Variants in CELF2 observed in about 807,000 individuals in gnomAD.
CELF2 encodes the protein CUG triplet repeat RNA-binding protein 2.
A neutral mutation model predicts 62.6 loss-of-function variants in CELF2; 8 were observed. The observed-to-expected ratio is 0.13, with a 90% CI of 0.07 to 0.23. CELF2 has a LOEUF of 0.23. Among genes scored for constraint, CELF2 ranks in the 10% least tolerant of loss-of-function variants. The pLI, the probability that CELF2 is intolerant of heterozygous loss-of-function variation, is 1.00. For synonymous variants in CELF2, 258 were observed against 250.0 expected, an observed-to-expected ratio of 1.03 and a Z score of -0.30; for missense variants, 333 against 671.0, an observed-to-expected ratio of 0.50 and a Z score of 5.56.
At chr10:10,996,896 A>G (rs928654822) in intron 2 of CELF2, among the ~76,000 whole-genome samples, 6 of 152,072 alleles carry the variant, frequency 3.9e-5, no homozygotes, top group African/African-American at 1.2e-4. Context: ...AGAGTAACTT[A>G]TCTTCCCCAA....
intron 1 of CELF2, among the ~76,000 whole-genome samples, chr10:11,163,883 C>T (rs1471101699): frequency 6.6e-6 from 1 of 152,136 alleles, no homozygotes; most frequent in Non-Finnish European, 1.5e-5. Flanking sequence ...GGGCTTAGGG[C>T]CATCCTAGAC....
chr10:11,184,615 A>T (rs1306278775), intron 2 of CELF2, among the ~76,000 whole-genome samples: 1 of 152,230 alleles, frequency 6.6e-6, no homozygotes, highest in East Asian at 1.9e-4. Context: ...GACCTTGCAT[A>T]TCCCTAGTCA....
At chr10:10,810,718 C>A (rs1253203189) in intron 1 of CELF2, among the ~76,000 whole-genome samples, 2 of 152,116 alleles carry the variant, frequency 1.3e-5, no homozygotes, top group East Asian at 1.9e-4. Context: ...TTTAGGGAGA[C>A]CCTGTTCCCA....
chr10:10,919,972 C>T (rs2064733431), exon 2 of CELF2: 12 of 1,231,524 alleles, frequency 9.7e-6, no homozygotes, highest in Non-Finnish European at 1.2e-5. Context: ...AGAGAGACGG[C>T]CACAGAGTTA....
At position 11,165,248 on chromosome 10, in the gene CELF2, C is replaced by G; in HGVS notation, c.75-238C>G. ...GGTGACAGGCGGCAGGGCGCTGCCC[C>G]GTGCTCCCCCGGCTCTGCTCGACAG... is the stretch of plus-strand genomic sequence containing the variant. On this transcript the variant is annotated intron_variant, in intron 1 of 12. Transcript: ENST00000633077. The surrounding 1 kb of genome is among the most constrained non-coding windows in gnomAD (Gnocchi z 7.4). The G allele has an allele frequency of 3.7e-6, 5 of 1,358,080 alleles. No homozygotes were observed. Among genetic ancestry groups the G allele is most frequent in the Non-Finnish European group, 4.7e-6 (5 of 1,054,194 alleles). The allele number at this position is 1,358,080 out of a possible 1,614,324, so 84.1% of individuals were successfully genotyped here.
At chr10:10,700,206 A>G in the CELF2 span, among the ~76,000 whole-genome samples, 1 of 152,212 alleles carries the variant, frequency 6.6e-6, no homozygotes, top group South Asian at 2.1e-4. Context: ...TTATTCAGGA[A>G]GAGGCAGAAT....
rs1308258954 is a variant in CELF2, at chr10:11,156,502, C to G, written c.75-8984C>G. Among the ~76,000 whole-genome samples, 1 of 152,126 alleles carries G rather than the reference C, an allele frequency of 6.6e-6. No individual in the cohort carries two copies. Among genetic ancestry groups the G allele is most frequent in the Non-Finnish European group, 1.5e-5 (1 of 68,028 alleles). On this transcript the variant is annotated intron_variant, in intron 1 of 12. Transcript: ENST00000633077. This position sits in a 1 kb window ranked among gnomAD's most constrained non-coding sequence, Gnocchi z 4.3. ...CCCTGCATGCTTTATTTGTCTCTGT[C>G]AAAACGGTCTTTTTAATCGATAAGG...
Position 11,247,940 on chromosome 10 carries a change from C to T in CELF2, c.355-1213C>T, listed in dbSNP as rs778760612. On this transcript the variant is annotated intron_variant, in intron 3 of 12. Transcript: ENST00000633077. The surrounding 1 kb of genome is among the most constrained non-coding windows in gnomAD (Gnocchi z 5.4). ...TCCTCCTCTGTTCTGAAGACCCAGG[C>T]CGGCATTAGGTGCACGTGATCCTGA... Among the ~76,000 whole-genome samples the T allele has an allele frequency of 2.0e-5, 3 of 152,158 alleles. No individual in the cohort carries two copies. The highest frequency in any genetic ancestry group is 4.4e-5 in the Non-Finnish European group (3 of 68,048).
chr10:11,134,556 G>A (rs753050128), intron 1 of CELF2, among the ~76,000 whole-genome samples: 13 of 152,176 alleles, frequency 8.5e-5, no homozygotes, highest in Non-Finnish European at 7.3e-5. Flanking sequence ...GTGCCCATAG[G>A]TGACTCTGTC....
chr10:10,974,974 G>A (rs999934220), intron 2 of CELF2, among the ~76,000 whole-genome samples: 1 of 152,188 alleles, frequency 6.6e-6, no homozygotes, highest in Non-Finnish European at 1.5e-5. Flanking sequence ...ATGGTCCCTT[G>A]TAATCAACAG....
Position 11,246,513 on chromosome 10 carries a change from C to G in CELF2, c.355-2640C>G, listed in dbSNP as rs77404843. Among the ~76,000 whole-genome samples the G allele has an allele frequency of 6.6e-6, 1 of 152,142 alleles. No homozygotes were observed. Among genetic ancestry groups the G allele is most frequent in the East Asian group, 1.9e-4 (1 of 5,188 alleles). On this transcript the variant is annotated intron_variant, in intron 3 of 12. Coordinates refer to ENST00000633077, the MANE Select transcript of CELF2 (RefSeq NM_001326342.2). The surrounding 1 kb of genome is among the most constrained non-coding windows in gnomAD (Gnocchi z 4.6). ...CTTCCCATGACCAGTTGTTCACTGCCCCTCCACAGAACCTACTTCTGATAA... is the reference window on the plus strand; with the variant it reads ...CTTCCCATGACCAGTTGTTCACTGCGCCTCCACAGAACCTACTTCTGATAA...
At chr10:11,294,803 C>T (rs541547477) in intron 9 of CELF2, among the ~76,000 whole-genome samples, 8 of 152,294 alleles carry the variant, frequency 5.3e-5, no homozygotes, top group South Asian at 2.1e-4. Context: ...CCCAGCTACT[C>T]GGGAGGCTGA....
At chr10:10,856,936 C>G (rs949834991) in intron 1 of CELF2, among the ~76,000 whole-genome samples, 3 of 152,172 alleles carry the variant, frequency 2.0e-5, no homozygotes, top group African/African-American at 7.2e-5. Context: ...ATACATGAAA[C>G]AAGTTTGTTG....
chr10:10,705,262 A>G, the CELF2 span, among the ~76,000 whole-genome samples: 4,938 of 151,952 alleles, frequency 0.032, 202 homozygotes, highest in Admixed American at 0.089. Context: ...CCACATATGA[A>G]CGTAGTCACA....
intron 2 of CELF2, among the ~76,000 whole-genome samples, chr10:11,181,974 G>GA (rs1243561170): frequency 1.3e-5 from 2 of 152,176 alleles, no homozygotes; most frequent in Non-Finnish European, 2.9e-5. Flanking sequence ...CATGGAGCAT[G>GA]AAAAAATATT....
chr10:10,669,484 A>G, the CELF2 span, among the ~76,000 whole-genome samples: 1 of 152,230 alleles, frequency 6.6e-6, no homozygotes, highest in African/African-American at 2.4e-5. Context: ...CTGCATTGTC[A>G]GAAGCTAACT....
intron 5 of CELF2, among the ~76,000 whole-genome samples, chr10:11,262,958 T>TTC (rs1230403676): frequency 4.2e-5 from 6 of 142,282 alleles, no homozygotes; most frequent in Non-Finnish European, 9.2e-5. Context: ...TTTTTTTTTT[T>TTC]TTTTTTTTTG....
intron 2 of CELF2, among the ~76,000 whole-genome samples, chr10:10,940,197 C>T (rs1340739422): frequency 6.6e-6 from 1 of 152,172 alleles, no homozygotes; most frequent in African/African-American, 2.4e-5. Context: ...TAAAGGGTGG[C>T]ACTTGGGGGA....
chr10:11,040,631 C>T (rs1015734026), intron 1 of CELF2, among the ~76,000 whole-genome samples: 1 of 151,960 alleles, frequency 6.6e-6, no homozygotes, highest in Non-Finnish European at 1.5e-5. Flanking sequence ...CTTTTAAATG[C>T]CTGCTTATGT....
Sources: gnomAD v4.1 joint callset for allele counts (sites outside exome capture counted in the v4.1 genomes callset) on GRCh38, gnomAD v4.1.1 for gene constraint, Gnocchi (gnomAD v3.1) non-coding constraint, MANE v1.5 for transcripts, NCBI Gene and HGNC (gene_info 2026-07-23, HGNC 2026-07-21) for gene names.